The following C12orf60 variants were observed in gnomAD, a reference collection of about 807,000 sequenced individuals.
The protein encoded by C12orf60 is chromosome 12 open reading frame 60.
For synonymous variants in C12orf60, 102 were observed against 94.6 expected (o/e 1.08, Z -0.45); for missense variants, 284 against 283.2 (o/e 1.00, Z -0.02).
In C12orf60 at chr12:14,823,078, T is replaced by A; in HGVS notation, c.143T>A (p.Met48Lys). Residue 48 changes from methionine (M) to lysine (K), a missense_variant, in exon 2 of 2, where the codon ATG (methionine) becomes AAG (lysine). Coordinates refer to ENST00000330828, the MANE Select transcript of C12orf60 (RefSeq NM_175874.4). The stretch of plus-strand genomic sequence containing the variant: ...AGTATGAATACTCAAATCCTTTTGA[T>A]GGCTGTGAAAAACAATAGTTACATT... ...SRSMNTQILL[M>K]AVKNNSYIKD... 6.2e-7 allele frequency: 1 copy of A among 1,614,188 alleles called. No individual in the cohort carries two copies. Among genetic ancestry groups the A allele is most frequent in the East Asian group, 2.2e-5 (1 of 44,866 alleles).
At chr12:14,810,144 A>G (rs1950113968) in intron 1 of C12orf60, among the ~76,000 whole-genome samples, 1 of 152,112 alleles carries the variant, frequency 6.6e-6, no homozygotes, top group Non-Finnish European at 1.5e-5. Context: ...AGTCAGACTT[A>G]CCTTCCTAGC....
At chr12:14,806,344 C>A (rs1950049267) in intron 1 of C12orf60, 1 of 1,614,106 alleles carries the variant, frequency 6.2e-7, no homozygotes, top group Admixed American at 1.7e-5. Context: ...ACCTTTTGCA[C>A]TATTGCAATT....
At chr12:14,806,726 A>G in intron 1 of C12orf60, 1 of 1,527,580 alleles carries the variant, frequency 6.5e-7, no homozygotes, top group South Asian at 1.3e-5. Flanking sequence ...ATTTTTACTG[A>G]AAGTCTTAAA....
chr12:14,818,348 T>C (rs1011845715), intron 1 of C12orf60, among the ~76,000 whole-genome samples: 3 of 152,256 alleles, frequency 2.0e-5, no homozygotes, highest in Non-Finnish European at 4.4e-5. Context: ...CAATTTTGGC[T>C]TTTGTTGCAA....
chr12:14,823,348 C>T lies in C12orf60; in HGVS notation c.413C>T (p.Ser138Phe). ...AGTAACATCCTTGGGAGTCTGGAAT[C>T]TTCTCTTTCACACTTGATGAAATTC... The part of the protein sequence containing the change: ...NSSNILGSLE[S>F]SLSHLMKFPI... Residue 138 changes from serine (S) to phenylalanine (F), a missense_variant, in exon 2 of 2, where the codon TCT becomes TTT. Coordinates refer to ENST00000330828, the MANE Select transcript of C12orf60 (RefSeq NM_175874.4). 3.1e-6 allele frequency: 5 copies of T among 1,614,134 alleles called. No homozygotes were observed. The highest frequency in any genetic ancestry group is 1.1e-5 in the South Asian group (1 of 91,080).
At chr12:14,820,322 T>C (rs1227219742) in intron 1 of C12orf60, among the ~76,000 whole-genome samples, 1 of 152,034 alleles carries the variant, frequency 6.6e-6, no homozygotes, top group Non-Finnish European at 1.5e-5. Context: ...TTGGATTTTA[T>C]CTATTTTTTC....
chr12:14,823,286 T>C lies in C12orf60; in HGVS notation c.351T>C (p.Ser117=). ...LHQSAKEVFK[S]AHTPVIISVL... ...AGTCAGCTAAAGAAGTATTCAAAAG[T>C]GCCCATACGCCAGTCATCATCTCTG... Residue 117 remains serine (S), a synonymous_variant, in exon 2 of 2, where the codon AGT becomes AGC. Coordinates refer to ENST00000330828, the MANE Select transcript of C12orf60 (RefSeq NM_175874.4). The C allele has an allele frequency of 1.9e-6, 3 of 1,614,130 alleles. No individual in the cohort carries two copies. In the South Asian group the frequency reaches 3.3e-5, roughly 18 times the overall value.
Position 14,824,295 on chromosome 12 carries a change from A to G in C12orf60, c.*622A>G, listed in dbSNP as rs142994207. The stretch of plus-strand genomic sequence containing the variant: ...ATGATTAGAAAATACTAGAGGTGGA[A>G]AAATGGAAGTACTCTAGCCTTTCAC... On this transcript the variant is annotated 3_prime_UTR_variant, in exon 2 of 2. Transcript: ENST00000330828. The G allele has an allele frequency of 2.0e-5, 3 of 152,334 alleles. No homozygotes were observed. The highest frequency in any genetic ancestry group is 2.0e-4 in the Admixed American group (3 of 15,300). 9.4% of individuals were successfully genotyped at this position (152,334 alleles called of 1,614,324 possible). A position where few individuals can be genotyped will look rare whatever the true frequency, so the allele number is the denominator to read the frequency against.
intron 1 of C12orf60, among the ~76,000 whole-genome samples, chr12:14,803,971 C>T (rs561432909): frequency 4.6e-5 from 7 of 152,152 alleles, no homozygotes; most frequent in African/African-American, 1.4e-4. Context: ...ATGTGAGCGC[C>T]TAGTACGTGT....
chr12:14,821,007 T>A (rs1950297047), intron 1 of C12orf60, among the ~76,000 whole-genome samples: 1 of 152,148 alleles, frequency 6.6e-6, no homozygotes, highest in Non-Finnish European at 1.5e-5. Context: ...ACAATTGATT[T>A]TGTACATTTG....
chr12:14,807,979 AAC>A (rs1450593127), intron 1 of C12orf60, among the ~76,000 whole-genome samples: 2 of 152,174 alleles, frequency 1.3e-5, no homozygotes, highest in African/African-American at 2.4e-5. Flanking sequence ...CAGCCTGGCC[AAC>A]ACAGCGAAAC....
At chr12:14,819,200 A>AT (rs1207743268) in intron 1 of C12orf60, among the ~76,000 whole-genome samples, 9 of 151,622 alleles carry the variant, frequency 5.9e-5, no homozygotes, top group East Asian at 3.9e-4. Flanking sequence ...ATTTTCTTTG[A>AT]TTTTTTTTAC....
In C12orf60 at chr12:14,815,085, T is replaced by C. The variant is rs190349364; in HGVS notation, c.-24-7827T>C. ...AATCTTATGAAACGGTAGCTATTCA[T>C]ATATTAACAACAGTATCTCCTGGTG... On this transcript the variant is annotated intron_variant, in intron 1 of 1. Coordinates refer to ENST00000330828, the MANE Select transcript of C12orf60 (RefSeq NM_175874.4). Among the ~76,000 whole-genome samples, 3 of 152,336 alleles carry C rather than the reference T, an allele frequency of 2.0e-5. No individual in the cohort carries two copies. In the East Asian group the frequency reaches 5.8e-4, roughly 29 times the overall value.
Position 14,822,970 on chromosome 12 carries a change from TGATTCAA to T in C12orf60, c.37_43del (p.Ile13LeufsTer16), listed in dbSNP as rs750368559. ...GAGTCAGAAAAGGATAAAGAGAGACTGATTCAAGCTGCCAAAATGTTCTTCTTTCATG... is the reference window on the plus strand; with the variant it reads ...GAGTCAGAAAAGGATAAAGAGAGACTGCTGCCAAAATGTTCTTCTTTCATG... On this transcript the variant is annotated frameshift_variant, in exon 2 of 2. Transcript: ENST00000330828. LOFTEE classifies it low-confidence loss of function (END_TRUNC). 43 of 1,602,552 alleles carry T rather than the reference TGATTCAA, an allele frequency of 2.7e-5. No individual in the cohort carries two copies. In the South Asian group the frequency reaches 4.2e-4, roughly 16 times the overall value.
chr12:14,814,645 C>T (rs529265229), intron 1 of C12orf60, among the ~76,000 whole-genome samples: 1 of 152,074 alleles, frequency 6.6e-6, no homozygotes, highest in African/African-American at 2.4e-5. Context: ...TCTCTTCTTT[C>T]CAGCTAGGAG....
chr12:14,817,966 A>T (rs189069505), intron 1 of C12orf60, among the ~76,000 whole-genome samples: 9 of 152,186 alleles, frequency 5.9e-5, no homozygotes, highest in Admixed American at 5.9e-4. Flanking sequence ...AAGCATTCCT[A>T]TTTCTCCACA....
intron 1 of C12orf60, among the ~76,000 whole-genome samples, chr12:14,816,028 A>G (rs563424196): frequency 1.3e-5 from 2 of 152,348 alleles, no homozygotes; most frequent in East Asian, 3.9e-4. Flanking sequence ...TTTTTCTGCA[A>G]TCAGTTTCTC....
Position 14,823,821 on chromosome 12 carries a change from G to A in C12orf60, c.*148G>A. On this transcript the variant is annotated 3_prime_UTR_variant, in exon 2 of 2. Coordinates refer to ENST00000330828, the MANE Select transcript of C12orf60 (RefSeq NM_175874.4). Reference sequence around the variant, plus strand: ...TCATCTGGCAAAACATTTACCTGTAGTTTTGCTTTATTAAAATAAAAAGAA... The same window carrying A: ...TCATCTGGCAAAACATTTACCTGTAATTTTGCTTTATTAAAATAAAAAGAA... 1 of 585,436 alleles carries A rather than the reference G, an allele frequency of 1.7e-6. No homozygotes were observed. The highest frequency in any genetic ancestry group is 2.7e-6 in the Non-Finnish European group (1 of 373,614). 36.3% of individuals were successfully genotyped at this position (585,436 alleles called of 1,614,324 possible). A position where few individuals can be genotyped will look rare whatever the true frequency, so the allele number is the denominator to read the frequency against.
intron 1 of C12orf60, among the ~76,000 whole-genome samples, chr12:14,814,512 T>C (rs1395380878): frequency 6.6e-6 from 1 of 152,238 alleles, no homozygotes; most frequent in Non-Finnish European, 1.5e-5. Context: ...TGGGGTTTTA[T>C]CTTGTCAACT....
Sources: gnomAD v4.1 joint callset for allele counts (sites outside exome capture counted in the v4.1 genomes callset) on GRCh38, gnomAD v4.1.1 for gene constraint, MANE v1.5 for transcripts, NCBI Gene and HGNC (gene_info 2026-07-23, HGNC 2026-07-21) for gene names.